The following RALGAPB variants were observed in gnomAD, a reference collection of about 807,000 sequenced individuals.
The protein encoded by RALGAPB is Ral GTPase activating protein non-catalytic subunit beta, also known as ral GTPase-activating protein subunit beta.
A neutral mutation model predicts 161.1 loss-of-function variants in RALGAPB; 25 were observed. The ratio of observed to expected loss-of-function variants is 0.16; its 90% CI spans 0.11 to 0.22. The LOEUF (loss-of-function observed/expected upper bound fraction) is 0.22, where lower values mean the gene tolerates loss of function less well. Among genes scored for constraint, RALGAPB ranks in the 10% least tolerant of loss-of-function variants. The probability of loss-of-function intolerance (pLI) is 1.00; values close to 1 mark genes in which losing one functional copy is unlikely to be tolerated. For synonymous variants in RALGAPB, 629 were observed against 626.1 expected (o/e 1.00, Z -0.07); for missense variants, 1,391 against 1,815.2 (o/e 0.77, Z 4.25).
chr20:38,475,804 A>G (rs979109459), intron 1 of RALGAPB, among the ~76,000 whole-genome samples: 2 of 151,910 alleles, frequency 1.3e-5, no homozygotes, highest in African/African-American at 4.8e-5. Context: ...TTTAGTTGAG[A>G]GGGGGTTTCG....
chr20:38,548,769 C>A lies in RALGAPB; in HGVS notation c.2983C>A (p.Pro995Thr), dbSNP rs1335263394. The change falls in exon 20 of 30, where the codon CCC (proline) becomes ACC (threonine). Residue 995 changes from proline to threonine, a missense_variant. By Grantham distance (38) the Pro-to-Thr change is conservative. Transcript: ENST00000262879. ...TTGGGCACAACAGCTTTGTCTTTTA[C>A]CCAGAGGAGCAAAAGCAAATCAGAA... ...LAWAQQLCLLPRGAKANQKLF... is the reference protein window; with the variant it reads ...LAWAQQLCLLTRGAKANQKLF... The A allele has an allele frequency of 1.8e-5, 29 of 1,613,336 alleles. No homozygotes were observed. Among genetic ancestry groups the A allele is most frequent in the Admixed American group, 6.7e-5 (4 of 59,994 alleles).
At chr20:38,486,230 C>T (rs1249216400) in intron 1 of RALGAPB, among the ~76,000 whole-genome samples, 1 of 152,222 alleles carries the variant, frequency 6.6e-6, no homozygotes, top group East Asian at 1.9e-4. Flanking sequence ...ACCTCAGTCT[C>T]CCAAAGTGCT....
chr20:38,551,304 A>G, intron 21 of RALGAPB, 81 bp downstream of exon 21: 1 of 1,474,988 alleles, frequency 6.8e-7, no homozygotes, highest in East Asian at 2.3e-5. Flanking sequence ...CAATGCTTTT[A>G]GTGTTGTTGG....
chr20:38,532,596 A>T, intron 14 of RALGAPB, 134 bp from the exon 15 acceptor site: 1 of 1,081,020 alleles, frequency 9.3e-7, no homozygotes, highest in Non-Finnish European at 1.3e-6. Context: ...ATCCCTTGTC[A>T]ATTTCTGTTA....
chr20:38,483,887 T>C lies in RALGAPB; in HGVS notation c.-30-4516T>C, dbSNP rs375115702. Among the ~76,000 whole-genome samples the C allele has an allele frequency of 1.3e-4, 20 of 152,242 alleles. 1 individual carries two copies. The South Asian group carries it at 2.7e-3, about 21-fold the overall frequency. ...CCGCAACAGCAAGAGGAGGTTCTTATTTGTGTGTTTAAGAGTAGGCTGGGC... is the reference window on the plus strand; with the variant it reads ...CCGCAACAGCAAGAGGAGGTTCTTACTTGTGTGTTTAAGAGTAGGCTGGGC... On this transcript the variant is annotated intron_variant, in intron 1 of 29. Transcript: ENST00000262879.
chr20:38,575,837 A>G lies in RALGAPB; in HGVS notation c.*870A>G, dbSNP rs1413457925. ...AATGTAAATTCACAATAAGGGTTGA[A>G]AATTATTTGGTTTCATCCATTGTCT... On this transcript the variant is annotated 3_prime_UTR_variant, in exon 30 of 30. Transcript: ENST00000262879. 1 of 152,566 alleles carries G rather than the reference A, an allele frequency of 6.6e-6. No homozygotes were observed. Among genetic ancestry groups the G allele is most frequent in the Admixed American group, 6.5e-5 (1 of 15,282 alleles). 9.5% of individuals were successfully genotyped at this position (152,566 alleles called of 1,614,324 possible).
intron 22 of RALGAPB, among the ~76,000 whole-genome samples, chr20:38,557,113 G>A (rs556710996): frequency 1.3e-5 from 2 of 152,260 alleles, no homozygotes; most frequent in South Asian, 2.1e-4. Flanking sequence ...ACTATGGTTA[G>A]CAAAACCTTG....
intron 6 of RALGAPB, 48 bp from the exon 7 acceptor site, chr20:38,516,144 T>A: frequency 7.1e-7 from 1 of 1,399,200 alleles, no homozygotes; most frequent in Non-Finnish European, 9.8e-7. Flanking sequence ...ATTTTATTGC[T>A]ATAGAAATTT....
In RALGAPB at chr20:38,574,243, A is replaced by G. The variant is rs1321235728; in HGVS notation, c.4236A>G (p.Lys1412=). Residue 1412 remains lysine, a synonymous_variant, in exon 29 of 30, where the codon AAA becomes AAG. Transcript: ENST00000262879. Reference sequence around the variant, plus strand: ...TAAAAATTCAAGGAGCCACTGGAAAATTTAATATGGTCATCCCTCTTGTGG... The same window carrying G: ...TAAAAATTCAAGGAGCCACTGGAAAGTTTAATATGGTCATCCCTCTTGTGG... ...FRIKIQGATG[K]FNMVIPLVDG... 1.9e-6 allele frequency: 3 copies of G among 1,613,932 alleles called. No individual in the cohort carries two copies. In the Admixed American group the frequency reaches 5.0e-5, roughly 27 times the overall value.
At chr20:38,549,675 ATAATACT>A in intron 20 of RALGAPB, among the ~76,000 whole-genome samples, 1 of 152,044 alleles carries the variant, frequency 6.6e-6, no homozygotes, top group Non-Finnish European at 1.5e-5. Flanking sequence ...AATTATGTGA[ATAATACT>A]TGAGAAGTTG....
At chr20:38,549,155 C>T (rs117673395) in intron 20 of RALGAPB, among the ~76,000 whole-genome samples, 7 of 152,084 alleles carry the variant, frequency 4.6e-5, no homozygotes, top group Middle Eastern at 6.8e-3. Context: ...TTGATTTGTC[C>T]GCAACAGGAC....
intron 28 of RALGAPB, among the ~76,000 whole-genome samples, chr20:38,571,593 G>A (rs1160897291): frequency 2.0e-5 from 3 of 152,088 alleles, no homozygotes; most frequent in Non-Finnish European, 2.9e-5. Flanking sequence ...CATTTTCCTT[G>A]TCTATTCGTC....
chr20:38,483,040 C>A (rs147801181), intron 1 of RALGAPB, among the ~76,000 whole-genome samples: 1 of 152,202 alleles, frequency 6.6e-6, no homozygotes, highest in Non-Finnish European at 1.5e-5. Context: ...GTGTGTGCCA[C>A]CACGCCTGGC....
At chr20:38,539,324 A>G (rs2086898706) in intron 16 of RALGAPB, among the ~76,000 whole-genome samples, 1 of 152,166 alleles carries the variant, frequency 6.6e-6, no homozygotes, top group African/African-American at 2.4e-5. Context: ...GATTGTGGTG[A>G]TAGTTCACAG....
At chr20:38,544,361 T>A (rs577604301) in intron 18 of RALGAPB, among the ~76,000 whole-genome samples, 23 of 151,666 alleles carry the variant, frequency 1.5e-4, no homozygotes, top group African/African-American at 3.9e-4. Flanking sequence ...TTTTTTTTTT[T>A]AAATATTACA....
rs1293193329 is a variant in RALGAPB at position 38,531,163 on chromosome 20, G to A, written c.2051-4G>A. On this transcript the variant is annotated splice_polypyrimidine_tract_variant and splice_region_variant and intron_variant, in intron 13 of 29. Transcript: ENST00000262879. Reference sequence around the variant, plus strand: ...TATAAAATACTGTTTTATTGTTGTTGTAGGGGCAATGTTAAATATTGTTCA... The same window carrying A: ...TATAAAATACTGTTTTATTGTTGTTATAGGGGCAATGTTAAATATTGTTCA... The A allele has an allele frequency of 1.9e-6, 3 of 1,601,740 alleles. No individual in the cohort carries two copies. The highest frequency in any genetic ancestry group is 4.5e-5 in the East Asian group (2 of 44,782).
chr20:38,533,321 T>G (rs2145349615), intron 15 of RALGAPB, among the ~76,000 whole-genome samples: 1 of 152,308 alleles, frequency 6.6e-6, no homozygotes, highest in East Asian at 1.9e-4. Context: ...CTCACTAGAT[T>G]CTTTAGCCCT....
chr20:38,516,500 GA>G, intron 7 of RALGAPB, 130 bp downstream of exon 7: 1 of 931,348 alleles, frequency 1.1e-6, no homozygotes, highest in Non-Finnish European at 1.5e-6. Flanking sequence ...AACAAGCGAG[GA>G]AAAATTATTT....
chr20:38,519,574 C>A (rs1202647573), intron 9 of RALGAPB, among the ~76,000 whole-genome samples: 2 of 152,130 alleles, frequency 1.3e-5, no homozygotes, highest in Non-Finnish European at 2.9e-5. Flanking sequence ...CACCCTCTTG[C>A]ACCAGAAGAT....
Sources: gnomAD v4.1 joint callset for allele counts (sites outside exome capture counted in the v4.1 genomes callset) on GRCh38, gnomAD v4.1.1 for gene constraint, MANE v1.5 for transcripts, NCBI Gene and HGNC (gene_info 2026-07-23, HGNC 2026-07-21) for gene names.